Variants in XIRP2 observed in about 807,000 individuals in gnomAD.
The protein encoded by XIRP2 is xin actin-binding repeat-containing protein 2.
XIRP2 carries 236 observed loss-of-function variants against 277.0 expected under a neutral mutation model. That is an observed-to-expected ratio of 0.85 (90% CI 0.77 to 0.95). XIRP2 has a LOEUF of 0.95. Ranked by LOEUF, XIRP2 falls within the 40% of genes least tolerant of loss-of-function variation. The pLI, the probability that XIRP2 is intolerant of heterozygous loss-of-function variation, is 0.00. For missense variants in XIRP2, 4,640 were observed against 4,157.5 expected (o/e 1.12, Z -3.19); for synonymous variants, 1,490 against 1,416.5 (o/e 1.05, Z -1.17).
chr2:167,121,678 A>C (rs542182187), intron 2 of XIRP2, among the ~76,000 whole-genome samples: 1 of 152,326 alleles, frequency 6.6e-6, no homozygotes, highest in South Asian at 2.1e-4. Flanking sequence ...TAAGAAAATG[A>C]GAGTGACTGC....
At chr2:167,171,667 A>T (rs1190274669) in intron 3 of XIRP2, among the ~76,000 whole-genome samples, 1 of 152,178 alleles carries the variant, frequency 6.6e-6, no homozygotes. Context: ...AAAGCTCCCA[A>T]CTATGATTGT....
In XIRP2 at chr2:167,248,007, C is replaced by G. The variant is rs1275088173; in HGVS notation, c.6615C>G (p.Asn2205Lys). ...SNKDIKKKNI[N>K]LQPMWQLLPV... ...AGGATATAAAGAAAAAGAATATAAA[C>G]CTTCAACCAATGTGGCAGCTTTTGC... The change falls in exon 9 of 11, where the codon AAC becomes AAG. Residue 2205 changes from asparagine to lysine, a missense_variant. By Grantham distance (94) the Asn-to-Lys change is moderately conservative. Transcript: ENST00000409195. 5.0e-6 allele frequency: 8 copies of G among 1,613,078 alleles called. No homozygotes were observed. Among genetic ancestry groups the G allele is most frequent in the African/African-American group, 1.3e-5 (1 of 74,786 alleles).
intron 2 of XIRP2, among the ~76,000 whole-genome samples, chr2:167,107,648 T>C (rs1323513456): frequency 2.0e-5 from 3 of 151,602 alleles, no homozygotes; most frequent in African/African-American, 7.2e-5. Flanking sequence ...TATTGGTCTA[T>C]AGTTTTTGGT....
intron 3 of XIRP2, among the ~76,000 whole-genome samples, chr2:167,166,318 A>G (rs746940839): frequency 1.1e-4 from 16 of 152,150 alleles, no homozygotes; most frequent in Non-Finnish European, 2.1e-4. Context: ...TAGTCTAAGG[A>G]TAGACATTGC....
chr2:167,065,503 T>C (rs151156299), intron 2 of XIRP2, among the ~76,000 whole-genome samples: 1 of 151,372 alleles, frequency 6.6e-6, no homozygotes, highest in Admixed American at 6.6e-5. Context: ...AAACACAAAC[T>C]TTTTTTTTAT....
Position 167,244,236 on chromosome 2 carries a change from C to T in XIRP2, c.2844C>T (p.Tyr948=), listed in dbSNP as rs1695172644. ...EEVDRGDVKN[Y]THIFESNNLI... is the part of the protein sequence containing the mutation. ...TTGACAGAGGAGATGTGAAGAATTA[C>T]ACACATATCTTTGAATCAAACAATT... Residue 948 remains tyrosine (Y), a synonymous_variant, in exon 9 of 11, where the codon TAC becomes TAT. Transcript: ENST00000409195. 6.2e-7 allele frequency: 1 copy of T among 1,613,672 alleles called. No individual in the cohort carries two copies. The highest frequency in any genetic ancestry group is 2.2e-5 in the East Asian group (1 of 44,822).
intron 3 of XIRP2, among the ~76,000 whole-genome samples, chr2:167,182,176 T>C (rs1016759502): frequency 8.5e-5 from 13 of 152,220 alleles, no homozygotes; most frequent in Non-Finnish European, 1.8e-4. Flanking sequence ...TATGCTTACA[T>C]GACACTTGAA....
chr2:166,915,357 A>G (rs1343810581), intron 2 of XIRP2, among the ~76,000 whole-genome samples: 4 of 151,974 alleles, frequency 2.6e-5, no homozygotes, highest in Non-Finnish European at 5.9e-5. Flanking sequence ...CTATGAACAC[A>G]AAAAGCATGT....
intron 2 of XIRP2, among the ~76,000 whole-genome samples, chr2:167,053,504 A>G (rs1231101511): frequency 6.6e-6 from 1 of 152,110 alleles, no homozygotes; most frequent in Non-Finnish European, 1.5e-5. Context: ...AGCATCTTGC[A>G]CGGAGCTGAT....
At chr2:167,143,317 T>A (rs1413676082) in intron 3 of XIRP2, among the ~76,000 whole-genome samples, 1 of 152,104 alleles carries the variant, frequency 6.6e-6, no homozygotes, top group Non-Finnish European at 1.5e-5. Flanking sequence ...AGGAAGCAAC[T>A]ACTTATGTCC....
chr2:166,896,667 GAAGA>G (rs1347846288), intron 1 of XIRP2, among the ~76,000 whole-genome samples: 1 of 151,956 alleles, frequency 6.6e-6, no homozygotes, highest in Non-Finnish European at 1.5e-5. Context: ...ATTTGTTATT[GAAGA>G]AAGAAAAATC....
chr2:167,201,465 A>T (rs1448356039), intron 3 of XIRP2, among the ~76,000 whole-genome samples: 1 of 152,114 alleles, frequency 6.6e-6, no homozygotes, highest in Non-Finnish European at 1.5e-5. Flanking sequence ...ACCACCTCCC[A>T]TCCCCTGGAG....
chr2:167,001,605 T>C (rs1352786304), intron 2 of XIRP2, among the ~76,000 whole-genome samples: 1 of 152,164 alleles, frequency 6.6e-6, no homozygotes, highest in Non-Finnish European at 1.5e-5. Context: ...GAAATTCTTA[T>C]GAAGTTTTCC....
Position 167,242,958 on chromosome 2 carries a change from T to C in XIRP2, c.1566T>C (p.Ser522=), listed in dbSNP as rs1197388531. 1 of 1,613,738 alleles carries C rather than the reference T, an allele frequency of 6.2e-7. No homozygotes were observed. The highest frequency in any genetic ancestry group is 2.2e-5 in the East Asian group (1 of 44,860). The part of the protein sequence containing the change: ...NLEKDYISEV[S]EIVSSQMNSG... Reference sequence around the variant, plus strand: ...AAAAAGATTATATCAGTGAAGTTTCTGAGATTGTTTCTAGTCAAATGAACT... The same window carrying C: ...AAAAAGATTATATCAGTGAAGTTTCCGAGATTGTTTCTAGTCAAATGAACT... The change falls in exon 9 of 11, where the codon TCT becomes TCC. Residue 522 remains serine, a synonymous_variant. Transcript: ENST00000409195.
chr2:167,076,891 G>A (rs888297144), intron 2 of XIRP2, among the ~76,000 whole-genome samples: 1 of 152,084 alleles, frequency 6.6e-6, no homozygotes. Context: ...GAGTGCAGTG[G>A]GGCAATCTCG....
chr2:166,972,503 T>C lies in XIRP2; in HGVS notation c.408+68613T>C, dbSNP rs139593825. 1.4e-4 allele frequency among the ~76,000 whole-genome samples: 21 copies of C among 152,230 alleles called. 1 individual carries two copies. The East Asian group carries it at 4.1e-3, about 29-fold the overall frequency. On this transcript the variant is annotated intron_variant, in intron 2 of 10. Coordinates refer to ENST00000409195, the MANE Select transcript of XIRP2 (RefSeq NM_152381.6). ...TTCCCAGCTCTGATGAGAAAAAATA[T>C]TCTGTAAGGAAGGAAGAGGAAAAAT...
intron 2 of XIRP2, among the ~76,000 whole-genome samples, chr2:167,042,383 GCA>G (rs1688680186): frequency 6.6e-6 from 1 of 152,198 alleles, no homozygotes; most frequent in African/African-American, 2.4e-5. Context: ...AGCTTAAAAG[GCA>G]CAGAGTGACA....
At chr2:167,069,378 T>A (rs1456951759) in intron 2 of XIRP2, among the ~76,000 whole-genome samples, 1 of 152,152 alleles carries the variant, frequency 6.6e-6, no homozygotes, top group Non-Finnish European at 1.5e-5. Flanking sequence ...CTGTGCTGAG[T>A]TGAACCCCTA....
chr2:167,007,006 T>C (rs1055545360), intron 2 of XIRP2, among the ~76,000 whole-genome samples: 9 of 151,630 alleles, frequency 5.9e-5, no homozygotes, highest in Non-Finnish European at 1.2e-4. Flanking sequence ...AGATATACCA[T>C]ACTAAAGGAA....
Sources: allele counts gnomAD v4.1 joint callset (sites outside exome capture counted in the v4.1 genomes callset), GRCh38; gene constraint gnomAD v4.1.1; transcripts MANE v1.5; gene names NCBI Gene and HGNC (gene_info 2026-07-23, HGNC 2026-07-21).